The following THSD7B variants were observed in gnomAD, a reference collection of about 807,000 sequenced individuals.
THSD7B encodes thrombospondin type 1 domain containing 7B, also known as thrombospondin type-1 domain-containing protein 7B.
THSD7B carries 138 observed loss-of-function variants against 213.6 expected under a neutral mutation model. The observed-to-expected ratio is 0.65, with a 90% CI of 0.56 to 0.74. THSD7B has a LOEUF of 0.74. Among genes scored for constraint, THSD7B ranks in the 30% least tolerant of loss-of-function variants. The pLI is 0.00. For synonymous variants in THSD7B, 742 were observed against 687.0 expected (o/e 1.08, Z -1.25); for missense variants, 1,931 against 1,991.5 (o/e 0.97, Z 0.58).
intron 3 of THSD7B, among the ~76,000 whole-genome samples, chr2:137,065,158 T>A (rs560188962): frequency 6.6e-6 from 1 of 152,194 alleles, no homozygotes; most frequent in East Asian, 1.9e-4. Flanking sequence ...ACAAGGATTA[T>A]TTTTCCATTT....
chr2:137,511,881 T>C (rs1025775845), intron 15 of THSD7B, among the ~76,000 whole-genome samples: 1 of 152,182 alleles, frequency 6.6e-6, no homozygotes, highest in Admixed American at 6.5e-5. Context: ...TACACTTAAA[T>C]TTCTTATTCC....
chr2:137,069,228 A>T (rs534440903), intron 3 of THSD7B, among the ~76,000 whole-genome samples: 1 of 152,156 alleles, frequency 6.6e-6, no homozygotes, highest in East Asian at 1.9e-4. Flanking sequence ...TCTTTCTCAT[A>T]TATCAATGAT....
chr2:137,459,078 T>C (rs1178287944), intron 15 of THSD7B, among the ~76,000 whole-genome samples: 1 of 152,136 alleles, frequency 6.6e-6, no homozygotes, highest in African/African-American at 2.4e-5. Context: ...TTTTTCACCA[T>C]ACACATTTTC....
At chr2:137,185,466 C>T (rs1169690289) in intron 7 of THSD7B, among the ~76,000 whole-genome samples, 1 of 152,114 alleles carries the variant, frequency 6.6e-6, no homozygotes, top group Non-Finnish European at 1.5e-5. Context: ...CATGTTTTAA[C>T]TCCCACTGAT....
chr2:136,901,063 C>T (rs1461560445), intron 2 of THSD7B, among the ~76,000 whole-genome samples: 1 of 142,614 alleles, frequency 7.0e-6, no homozygotes, highest in Non-Finnish European at 1.6e-5. Context: ...ACAGAAAAGC[C>T]TTCTTATTCC....
chr2:137,495,209 T>C (rs1347244056), intron 15 of THSD7B, among the ~76,000 whole-genome samples: 1 of 152,184 alleles, frequency 6.6e-6, no homozygotes, highest in Non-Finnish European at 1.5e-5. Flanking sequence ...CTTTAATAAA[T>C]ATACTATTTA....
chr2:137,155,596 C>G (rs1047960342), intron 5 of THSD7B, among the ~76,000 whole-genome samples: 1 of 152,028 alleles, frequency 6.6e-6, no homozygotes, highest in Non-Finnish European at 1.5e-5. Context: ...TTCACTCCAC[C>G]CACTTCCTGG....
chr2:136,890,827 T>TACC (rs1233124927), intron 2 of THSD7B, among the ~76,000 whole-genome samples: 2 of 151,506 alleles, frequency 1.3e-5, no homozygotes, highest in Non-Finnish European at 2.9e-5. Context: ...AGGCGTGAGC[T>TACC]ACCGTGCCTG....
intron 15 of THSD7B, among the ~76,000 whole-genome samples, chr2:137,468,083 C>T (rs540397164): frequency 6.6e-6 from 1 of 152,236 alleles, no homozygotes; most frequent in South Asian, 2.1e-4. Context: ...ATGTTTTGAT[C>T]CAAGTTAAAC....
Position 137,056,614 on chromosome 2 carries a change from C to A in THSD7B, c.334C>A (p.His112Asn). ...CTTTCAGTGGGAGGTTTCTGACTGGCACCACTGTGTGCTTGTTCCTTACGC... is the reference window on the plus strand; with the variant it reads ...CTTTCAGTGGGAGGTTTCTGACTGGAACCACTGTGTGCTTGTTCCTTACGC... The part of the protein sequence containing the change: ...DLFQWEVSDW[H>N]HCVLVPYARG... Residue 112 changes from histidine to asparagine, a missense_variant, in exon 3 of 28, where the codon CAC (histidine) becomes AAC (asparagine). Coordinates refer to ENST00000409968, the MANE Select transcript of THSD7B (RefSeq NM_001316349.2). 1 of 1,613,958 alleles carries A rather than the reference C, an allele frequency of 6.2e-7. No individual in the cohort carries two copies. Among genetic ancestry groups the A allele is most frequent in the Non-Finnish European group, 8.5e-7 (1 of 1,179,888 alleles).
At chr2:137,454,476 A>ATG (rs757604019) in intron 15 of THSD7B, among the ~76,000 whole-genome samples, 6 of 145,334 alleles carry the variant, frequency 4.1e-5, no homozygotes, top group Non-Finnish European at 6.0e-5. Context: ...CTATCTATCT[A>ATG]TGTGTGTGTG....
Position 137,160,364 on chromosome 2 carries a change from A to G in THSD7B, c.1521A>G (p.Lys507=), listed in dbSNP as rs1679995261. 1 of 1,611,812 alleles carries G rather than the reference A, an allele frequency of 6.2e-7. No individual in the cohort carries two copies. Among genetic ancestry groups the G allele is most frequent in the South Asian group, 1.1e-5 (1 of 90,552 alleles). Residue 507 remains lysine (K), a synonymous_variant, in exon 6 of 28, where the codon AAA becomes AAG. Transcript: ENST00000409968. ...AAAACTGTCATGATCCTCAGGGGAA[A>G]AAAGGTGAGTGCCTTGTTTGCATGC... ...IHENCHDPQG[K]KGFRTRQRHV...
chr2:137,401,155 A>G (rs901802125), intron 12 of THSD7B, among the ~76,000 whole-genome samples: 7 of 152,202 alleles, frequency 4.6e-5, no homozygotes, highest in African/African-American at 1.7e-4. Flanking sequence ...TATCTTTAAT[A>G]TTGGCCCCAG....
chr2:137,026,467 AC>A (rs1299936549), intron 2 of THSD7B, among the ~76,000 whole-genome samples: 1 of 152,160 alleles, frequency 6.6e-6, no homozygotes, highest in East Asian at 1.9e-4. Context: ...GAAAAGGATT[AC>A]CTTAAAAATT....
chr2:137,663,811 C>G (rs1683397467), intron 26 of THSD7B, among the ~76,000 whole-genome samples: 1 of 152,166 alleles, frequency 6.6e-6, no homozygotes, highest in Admixed American at 6.5e-5. Flanking sequence ...GTCTAAGAAA[C>G]AGTGGGTTAA....
chr2:137,651,702 C>A (rs1314750927), intron 21 of THSD7B, among the ~76,000 whole-genome samples: 2 of 151,996 alleles, frequency 1.3e-5, no homozygotes, highest in Non-Finnish European at 2.9e-5. Context: ...TTGCTGTAAA[C>A]TTCCCTCTTA....
intron 2 of THSD7B, among the ~76,000 whole-genome samples, chr2:136,950,276 TA>T (rs1257533198): frequency 2.0e-5 from 3 of 151,524 alleles, no homozygotes. Context: ...AAAATAAAAA[TA>T]AAAATAAATA....
At position 137,231,073 on chromosome 2, in the gene THSD7B, G is replaced by T. The variant is rs149495119; in HGVS notation, c.1753G>T (p.Val585Phe). ...AGATGTATCAGGGAGTCTTTGCCCAGTTCCCCCTCCTCCTGAGAGGAAGTC... is the reference window on the plus strand; with the variant it reads ...AGATGTATCAGGGAGTCTTTGCCCATTTCCCCCTCCTCCTGAGAGGAAGTC... ...GEDVSGSLCP[V>F]PPPPERKSCE... The change falls in exon 8 of 28, where the codon GTT (valine) becomes TTT (phenylalanine). Residue 585 changes from valine to phenylalanine, a missense_variant. Physicochemically the swap from Val to Phe is conservative, Grantham distance 50 (BLOSUM62 -1). Transcript: ENST00000409968. The T allele has an allele frequency of 6.2e-7, 1 of 1,613,512 alleles. No individual in the cohort carries two copies. Among genetic ancestry groups the T allele is most frequent in the Non-Finnish European group, 8.5e-7 (1 of 1,179,762 alleles).
At chr2:137,231,259 C>G (rs1177643650) in intron 8 of THSD7B, 24 bp downstream of exon 8, 1 of 1,575,904 alleles carries the variant, frequency 6.3e-7, no homozygotes, top group Non-Finnish European at 8.6e-7. Context: ...AAGGTTTTCA[C>G]TTTGGATTCA....
Sources: gnomAD v4.1 joint callset for allele counts (sites outside exome capture counted in the v4.1 genomes callset) on GRCh38, gnomAD v4.1.1 for gene constraint, MANE v1.5 for transcripts, NCBI Gene and HGNC (gene_info 2026-07-23, HGNC 2026-07-21) for gene names.